DNAJC1: variants seen among roughly 807,000 people sequenced by gnomAD.
DNAJC1 encodes DnaJ heat shock protein family (Hsp40) member C1, also known as dnaJ homolog subfamily C member 1.
DNAJC1 carries 58 observed loss-of-function variants against 76.6 expected under a neutral mutation model. That is an observed-to-expected ratio of 0.76 (90% CI 0.61 to 0.94). DNAJC1 has a LOEUF of 0.94. Ranked by LOEUF, DNAJC1 falls within the 40% of genes least tolerant of loss-of-function variation. The probability of loss-of-function intolerance (pLI) is 0.00; values close to 1 mark genes in which losing one functional copy is unlikely to be tolerated. For synonymous variants in DNAJC1, 258 were observed against 267.9 expected (o/e 0.96, Z 0.36); for missense variants, 689 against 677.3 (o/e 1.02, Z -0.19).
intron 1 of DNAJC1, among the ~76,000 whole-genome samples, chr10:21,993,167 T>G (rs562703796): frequency 6.7e-4 from 102 of 152,246 alleles, no homozygotes; most frequent in Middle Eastern, 3.4e-3. Flanking sequence ...ATTTATATAC[T>G]CAGCCTATAC....
At chr10:21,910,867 GA>G (rs1836845987) in intron 6 of DNAJC1, among the ~76,000 whole-genome samples, 1 of 144,872 alleles carries the variant, frequency 6.9e-6, no homozygotes, top group Non-Finnish European at 1.5e-5. Flanking sequence ...GAGAGGAGAG[GA>G]GAGGAGAGGA....
intron 1 of DNAJC1, among the ~76,000 whole-genome samples, chr10:21,959,796 A>G (rs567184702): frequency 0.012 from 951 of 76,282 alleles, 8 homozygotes; most frequent in Non-Finnish European, 0.013. Context: ...AAAAAAAACA[A>G]AAACAAAAAA....
At chr10:21,877,785 T>C (rs983068554) in intron 8 of DNAJC1, among the ~76,000 whole-genome samples, 2 of 152,136 alleles carry the variant, frequency 1.3e-5, no homozygotes, top group African/African-American at 4.8e-5. Context: ...AATATGGAGG[T>C]TGGGGCGCCA....
At chr10:21,802,570 T>C (rs914302508) in intron 9 of DNAJC1, among the ~76,000 whole-genome samples, 2 of 152,154 alleles carry the variant, frequency 1.3e-5, no homozygotes, top group African/African-American at 4.8e-5. Flanking sequence ...TACCTCACAC[T>C]ATGGCACTAA....
At chr10:21,994,431 T>C (rs1338269881) in intron 1 of DNAJC1, among the ~76,000 whole-genome samples, 1 of 152,222 alleles carries the variant, frequency 6.6e-6, no homozygotes, top group Non-Finnish European at 1.5e-5. Context: ...GTAAAACTAC[T>C]ATAGAACTGC....
intron 7 of DNAJC1, among the ~76,000 whole-genome samples, chr10:21,894,611 T>G (rs1259095817): frequency 6.6e-6 from 1 of 152,178 alleles, no homozygotes. Flanking sequence ...GAAAGCTTCC[T>G]ATTTCATTAT....
intron 7 of DNAJC1, among the ~76,000 whole-genome samples, chr10:21,888,611 T>A (rs1239319439): frequency 6.6e-6 from 1 of 152,212 alleles, no homozygotes; most frequent in South Asian, 2.1e-4. Context: ...AAGAATGAGA[T>A]CATGTCTTTT....
At chr10:21,868,301 T>C (rs1486298296) in intron 8 of DNAJC1, among the ~76,000 whole-genome samples, 2 of 151,368 alleles carry the variant, frequency 1.3e-5, no homozygotes, top group Admixed American at 6.6e-5. Context: ...ATTTTGTATT[T>C]TTAGTAGAGA....
intron 9 of DNAJC1, among the ~76,000 whole-genome samples, chr10:21,793,988 AT>A (rs1324791237): frequency 6.6e-6 from 1 of 152,012 alleles, no homozygotes; most frequent in African/African-American, 2.4e-5. Flanking sequence ...AAATAAAACA[AT>A]TCTGGCAGGG....
intron 1 of DNAJC1, among the ~76,000 whole-genome samples, chr10:21,976,538 G>C (rs1484369247): frequency 6.6e-6 from 1 of 152,120 alleles, no homozygotes; most frequent in Non-Finnish European, 1.5e-5. Flanking sequence ...CTGAATCTTT[G>C]TAGTAATAAT....
In DNAJC1 at chr10:21,861,899, ACTTT is replaced by A. The variant is rs552548966; in HGVS notation, c.978+20379_978+20382del. Among the ~76,000 whole-genome samples the A allele has an allele frequency of 2.2e-3, 331 of 151,596 alleles. 2 individuals are homozygous for A. The highest frequency in any genetic ancestry group is 0.01 in the Middle Eastern group (3 of 294). ...GGAGTAGTCATTCTTTCATCCCTTC[ACTTT>A]CTTTATTTTTTATTTATTTATTTAT... On this transcript the variant is annotated intron_variant, in intron 8 of 11. Coordinates refer to ENST00000376980, the MANE Select transcript of DNAJC1 (RefSeq NM_022365.4).
intron 11 of DNAJC1, 89 bp from the exon 12 acceptor site, chr10:21,756,844 G>A: frequency 8.0e-7 from 1 of 1,246,370 alleles, no homozygotes; most frequent in Non-Finnish European, 1.2e-6. Flanking sequence ...TTCTGCTCAT[G>A]AAGAGCCTCA....
At chr10:21,952,652 G>A (rs1040895027) in intron 1 of DNAJC1, among the ~76,000 whole-genome samples, 1 of 152,060 alleles carries the variant, frequency 6.6e-6, no homozygotes, top group Non-Finnish European at 1.5e-5. Flanking sequence ...CCAGTTACTC[G>A]GTAGGCTGAG....
intron 8 of DNAJC1, among the ~76,000 whole-genome samples, chr10:21,871,293 C>T (rs556102023): frequency 2.0e-4 from 30 of 147,468 alleles, no homozygotes; most frequent in South Asian, 1.9e-3. Context: ...TCTGAGAAGG[C>T]GCTAAGCTCT....
chr10:21,766,160 C>T, intron 10 of DNAJC1, 101 bp downstream of exon 10: 1 of 951,454 alleles, frequency 1.1e-6, no homozygotes, highest in Non-Finnish European at 1.7e-6. Context: ...GTTCATTAGG[C>T]AAAACTTCTA....
intron 8 of DNAJC1, chr10:21,865,620 A>G (rs1248874662): frequency 6.6e-6 from 1 of 152,148 alleles, no homozygotes; most frequent in African/African-American, 2.4e-5. Flanking sequence ...AGGAAAATCT[A>G]CATGTTCAAT....
chr10:21,801,121 A>C (rs1714427448), intron 9 of DNAJC1, among the ~76,000 whole-genome samples: 1 of 152,230 alleles, frequency 6.6e-6, no homozygotes, highest in South Asian at 2.1e-4. Context: ...ATTATGAAAA[A>C]ACAAATAAAA....
At chr10:21,924,356 A>C (rs2131774906) in intron 3 of DNAJC1, among the ~76,000 whole-genome samples, 1 of 152,298 alleles carries the variant, frequency 6.6e-6, no homozygotes, top group Non-Finnish European at 1.5e-5. Context: ...GTTATTTAGT[A>C]AACTAAAAAA....
chr10:21,838,464 T>C (rs1835510644), intron 8 of DNAJC1, among the ~76,000 whole-genome samples: 1 of 152,068 alleles, frequency 6.6e-6, no homozygotes, highest in East Asian at 1.9e-4. Flanking sequence ...TAATCTCAAG[T>C]ACCCAGGGAC....
Sources: allele counts gnomAD v4.1 joint callset (sites outside exome capture counted in the v4.1 genomes callset), GRCh38; gene constraint gnomAD v4.1.1; transcripts MANE v1.5; gene names NCBI Gene and HGNC (gene_info 2026-07-23, HGNC 2026-07-21).